Variants in HERC1 observed in about 807,000 individuals in gnomAD.
HERC1 encodes the protein HECT and RLD domain containing E3 ubiquitin protein ligase family member 1.
In HERC1, 160 loss-of-function variants were observed where a neutral mutation model predicts 554.3. The ratio of observed to expected loss-of-function variants is 0.29; its 90% CI spans 0.25 to 0.33. The LOEUF (loss-of-function observed/expected upper bound fraction) is 0.33, where lower values mean the gene tolerates loss of function less well. Among genes scored for constraint, HERC1 ranks in the 10% least tolerant of loss-of-function variants. The pLI, the probability that HERC1 is intolerant of heterozygous loss-of-function variation, is 1.00. For synonymous variants in HERC1, 2,175 were observed against 2,131.7 expected, an observed-to-expected ratio of 1.02 and a Z score of -0.56; for missense variants, 4,919 against 5,918.5, an observed-to-expected ratio of 0.83 and a Z score of 5.54.
At chr15:63,729,205 G>C (rs752096021) in intron 16 of HERC1, 31 bp downstream of exon 16, 1 of 1,571,828 alleles carries the variant, frequency 6.4e-7, no homozygotes, top group South Asian at 1.2e-5. Context: ...CTTAATGACT[G>C]ATTAAATTTG....
intron 1 of HERC1, among the ~76,000 whole-genome samples, chr15:63,815,722 C>T (rs1438177217): frequency 5.9e-5 from 9 of 152,122 alleles, no homozygotes; most frequent in Non-Finnish European, 1.3e-4. Context: ...AATCCTCTAA[C>T]CTAACATGTT....
chr15:63,744,164 G>GTGTGTGTGTGTGTGTGTGTGTGTGTC, intron 12 of HERC1, among the ~76,000 whole-genome samples: 15 of 46,294 alleles, frequency 3.2e-4, no homozygotes, highest in East Asian at 1.5e-3. Context: ...GTGTGTGTGT[G>GTGTGTGTGTGTGTGTGTGTGTGTGTC]TCTCTCTCTC....
At chr15:63,777,001 C>T (rs1418934431) in intron 1 of HERC1, among the ~76,000 whole-genome samples, 6 of 152,064 alleles carry the variant, frequency 3.9e-5, no homozygotes, top group Admixed American at 3.9e-4. Flanking sequence ...TTTATATACA[C>T]ACAAAATTTT....
intron 37 of HERC1, among the ~76,000 whole-genome samples, chr15:63,675,389 G>C (rs1595945968): frequency 6.6e-6 from 1 of 152,176 alleles, no homozygotes; most frequent in South Asian, 2.1e-4. Flanking sequence ...CAAACTTTCT[G>C]TAAGGGGCCA....
chr15:63,806,902 C>T (rs773094641), intron 1 of HERC1, among the ~76,000 whole-genome samples: 1 of 152,204 alleles, frequency 6.6e-6, no homozygotes, highest in Non-Finnish European at 1.5e-5. Context: ...CATGCGCCAC[C>T]GCGCCCGGCT....
chr15:63,655,769 A>G lies in HERC1; in HGVS notation c.10057T>C (p.Tyr3353His), dbSNP rs1486712881. The change falls in exon 50 of 78, where the codon TAT becomes CAT. Residue 3353 changes from tyrosine (Y) to histidine (H), a missense_variant. Around this residue, in one of 11 missense-constraint regions of HERC1, gnomAD observed 1,963 missense variants for 2,228.6 expected, o/e 0.88. Transcript: ENST00000443617. Reference sequence around the variant, plus strand: ...TTCTTTTCAACTTCTGACTTATCATAGTTAGGTCTTAGTTTGGCCCCTTTG... The same window carrying G: ...TTCTTTTCAACTTCTGACTTATCATGGTTAGGTCTTAGTTTGGCCCCTTTG... ...ADKGAKLRPN[Y>H]DKSEVEKKGP... 3.2e-6 allele frequency: 5 copies of G among 1,564,610 alleles called. No homozygotes were observed. The highest frequency in any genetic ancestry group is 4.3e-6 in the Non-Finnish European group (5 of 1,152,894).
rs138052173 is a variant in HERC1 at position 63,674,768 on chromosome 15, T to C, written c.7420A>G (p.Ser2474Gly). 2.3e-4 allele frequency: 367 copies of C among 1,613,992 alleles called. 2 individuals are homozygous for C. In the African/African-American group the frequency reaches 4.2e-3, roughly 19 times the overall value. ...GTTATTTGATGTTGGGATTCCACACTTGGCAGTGTTGGATCTAAAGAAAAT... is the reference window on the plus strand; with the variant it reads ...GTTATTTGATGTTGGGATTCCACACCTGGCAGTGTTGGATCTAAAGAAAAT... The part of the protein sequence containing the change: ...ASFSLDPTLP[S>G]VESQHQITEG... The change falls in exon 38 of 78, where the codon AGT (serine) becomes GGT (glycine). Residue 2474 changes from serine to glycine, a missense_variant. Coordinates refer to ENST00000443617, the MANE Select transcript of HERC1 (RefSeq NM_003922.4).
intron 1 of HERC1, among the ~76,000 whole-genome samples, chr15:63,783,714 G>T (rs1023720840): frequency 2.6e-5 from 4 of 152,196 alleles, no homozygotes; most frequent in Admixed American, 2.6e-4. Flanking sequence ...TCTATTGGTA[G>T]ACCATGAATT....
intron 12 of HERC1, among the ~76,000 whole-genome samples, chr15:63,736,213 G>T (rs538174470): frequency 6.6e-6 from 1 of 152,136 alleles, no homozygotes; most frequent in African/African-American, 2.4e-5. Context: ...ATTCCTAGAG[G>T]CTCATATACT....
intron 51 of HERC1, among the ~76,000 whole-genome samples, chr15:63,653,180 C>T (rs926376673): frequency 1.3e-5 from 2 of 152,082 alleles, no homozygotes; most frequent in Non-Finnish European, 2.9e-5. Context: ...GTGGCTCACA[C>T]CTGTAATCCC....
chr15:63,700,261 A>G (rs2072644407), intron 25 of HERC1, among the ~76,000 whole-genome samples: 1 of 152,124 alleles, frequency 6.6e-6, no homozygotes, highest in South Asian at 2.1e-4. Context: ...AAGTGTAACC[A>G]TGGTTCATTT....
chr15:63,613,676 A>T (rs531665121), intron 76 of HERC1, among the ~76,000 whole-genome samples: 11 of 148,760 alleles, frequency 7.4e-5, no homozygotes, highest in African/African-American at 1.9e-4. Context: ...TTATATATAT[A>T]AAAAAAAACT....
intron 14 of HERC1, 127 bp from the exon 15 acceptor site, chr15:63,729,776 A>G: frequency 1.2e-6 from 1 of 827,316 alleles, no homozygotes. Context: ...TAATCCCAGC[A>G]CTTTGGGAGT....
chr15:63,833,743 ACGCGCGCG>A (rs145148725), intron 1 of HERC1, 76 bp downstream of exon 1: 5 of 66,276 alleles, frequency 7.5e-5, no homozygotes, highest in Non-Finnish European at 1.2e-4. Flanking sequence ...CAAAGCACAC[ACGCGCGCG>A]CGCACACACA....
chr15:63,664,602 T>A lies in HERC1; in HGVS notation c.8556-8A>T, dbSNP rs528408928. 3.3e-5 allele frequency: 53 copies of A among 1,610,018 alleles called. No homozygotes were observed. The highest frequency in any genetic ancestry group is 3.2e-4 in the South Asian group (29 of 90,634). ...TGATCCAAATTATCAGGGCTACAAG[T>A]GCAAGTGAGAAAGCAACACAAAGTT... On this transcript the variant is annotated splice_polypyrimidine_tract_variant and splice_region_variant and intron_variant, in intron 42 of 77. Transcript: ENST00000443617.
intron 19 of HERC1, among the ~76,000 whole-genome samples, chr15:63,720,628 G>A (rs2073779293): frequency 6.6e-6 from 1 of 151,972 alleles, no homozygotes; most frequent in South Asian, 2.1e-4. Context: ...AAATTGACAA[G>A]GACAAATATG....
At chr15:63,823,952 CA>C (rs1234007119) in intron 1 of HERC1, among the ~76,000 whole-genome samples, 1 of 152,040 alleles carries the variant, frequency 6.6e-6, no homozygotes, top group Admixed American at 6.6e-5. Flanking sequence ...AACGCAATAG[CA>C]AAAAACAAAA....
At position 63,694,213 on chromosome 15, in the gene HERC1, T is replaced by G; in HGVS notation, c.5481-56A>C. On this transcript the variant is annotated intron_variant, in intron 29 of 77. Transcript: ENST00000443617. This position sits in a 1 kb window ranked among gnomAD's most constrained non-coding sequence, Gnocchi z 4.3. ...CAAACACACAGAAGGGCAAGCATAG[T>G]GCTTAAATACATAAAGCAGATTAGA... The G allele has an allele frequency of 1.3e-6, 2 of 1,563,848 alleles. No homozygotes were observed. Among genetic ancestry groups the G allele is most frequent in the South Asian group, 2.3e-5 (2 of 85,410 alleles).
At chr15:63,798,777 C>T (rs777417599) in intron 1 of HERC1, among the ~76,000 whole-genome samples, 14 of 152,110 alleles carry the variant, frequency 9.2e-5, no homozygotes, top group Non-Finnish European at 1.6e-4. Context: ...TTAATTACTA[C>T]TAGTTTCTAC....
Sources: gnomAD v4.1 joint callset for allele counts (sites outside exome capture counted in the v4.1 genomes callset) on GRCh38, gnomAD v4.1.1 for gene constraint, gnomAD v4.1.1 regional missense constraint, Gnocchi (gnomAD v3.1) non-coding constraint, MANE v1.5 for transcripts, NCBI Gene and HGNC (gene_info 2026-07-23, HGNC 2026-07-21) for gene names.